The following CDH13 variants were observed in gnomAD, a reference collection of about 807,000 sequenced individuals.
The protein encoded by CDH13 is cadherin-13.
Under a neutral mutation model 63.8 loss-of-function variants are expected in CDH13, and 24 were observed. The ratio of observed to expected loss-of-function variants is 0.38; its 90% CI spans 0.27 to 0.53. The LOEUF (loss-of-function observed/expected upper bound fraction) is 0.53, where lower values mean the gene tolerates loss of function less well. Ranked by LOEUF, CDH13 falls within the 20% of genes least tolerant of loss-of-function variation. CDH13 has a pLI of 0.85. For synonymous variants in CDH13, 503 were observed against 355.3 expected, an observed-to-expected ratio of 1.42 and a Z score of -4.67; for missense variants, 1,049 against 903.1, an observed-to-expected ratio of 1.16 and a Z score of -2.07.
chr16:83,554,694 C>G (rs2075569536), intron 7 of CDH13, among the ~76,000 whole-genome samples: 1 of 152,082 alleles, frequency 6.6e-6, no homozygotes, highest in Non-Finnish European at 1.5e-5. Context: ...CACGCACACA[C>G]ACAAATACTT....
intron 3 of CDH13, among the ~76,000 whole-genome samples, chr16:83,077,809 C>A (rs994862789): frequency 1.1e-4 from 16 of 152,236 alleles, no homozygotes; most frequent in African/African-American, 3.9e-4. Flanking sequence ...ATTGGTCGAT[C>A]CTCTTCCGGA....
At chr16:83,675,140 C>T (rs1914847820) in intron 9 of CDH13, among the ~76,000 whole-genome samples, 1 of 152,124 alleles carries the variant, frequency 6.6e-6, no homozygotes, top group South Asian at 2.1e-4. Context: ...TTCCTCCTGT[C>T]CCTGACACAG....
intron 7 of CDH13, among the ~76,000 whole-genome samples, chr16:83,532,891 G>C (rs911766629): frequency 6.6e-6 from 1 of 152,210 alleles, no homozygotes; most frequent in African/African-American, 2.4e-5. Context: ...CCACGGGAGA[G>C]AGCCAGCGGC....
intron 10 of CDH13, among the ~76,000 whole-genome samples, chr16:83,701,947 T>C (rs1267585841): frequency 3.9e-5 from 6 of 152,210 alleles, no homozygotes; most frequent in African/African-American, 1.4e-4. Context: ...TTGGGTAAGT[T>C]ACTTAACCTC....
At position 83,080,275 on chromosome 16, in the gene CDH13, G is replaced by C. The variant is rs75042531; in HGVS notation, c.367-45110G>C. 8.8e-3 allele frequency among the ~76,000 whole-genome samples: 1,347 copies of C among 152,246 alleles called. 25 individuals carry two copies. The highest frequency in any genetic ancestry group is 0.029 in the African/African-American group (1,211 of 41,530). ...ATTGGTGATGACAGCCAGCTGTTTGGTCCCAATTCGCTGAGACTAGGAATT... is the reference window on the plus strand; with the variant it reads ...ATTGGTGATGACAGCCAGCTGTTTGCTCCCAATTCGCTGAGACTAGGAATT... On this transcript the variant is annotated intron_variant, in intron 3 of 13. Coordinates refer to ENST00000567109, the MANE Select transcript of CDH13 (RefSeq NM_001257.5).
At chr16:82,799,606 C>G (rs1346942593) in intron 1 of CDH13, among the ~76,000 whole-genome samples, 1 of 152,170 alleles carries the variant, frequency 6.6e-6, no homozygotes, top group African/African-American at 2.4e-5. Flanking sequence ...TTTATTTAGA[C>G]CCATTTATTT....
intron 1 of CDH13, among the ~76,000 whole-genome samples, chr16:82,716,554 T>A (rs1222148160): frequency 6.7e-6 from 1 of 149,910 alleles, no homozygotes. Context: ...TTATTTATCC[T>A]GGAAAAGAGA....
intron 4 of CDH13, among the ~76,000 whole-genome samples, chr16:83,214,987 A>C (rs2039453457): frequency 6.6e-6 from 1 of 150,492 alleles, no homozygotes; most frequent in Non-Finnish European, 1.5e-5. Flanking sequence ...GGCAGCAAGT[A>C]GAGGGGTCAG....
At chr16:83,025,619 G>T (rs1164443352) in intron 2 of CDH13, among the ~76,000 whole-genome samples, 1 of 152,084 alleles carries the variant, frequency 6.6e-6, no homozygotes, top group African/African-American at 2.4e-5. Flanking sequence ...ATTTTGGTGG[G>T]GACACAGCCA....
At chr16:83,529,559 G>A (rs1320953224) in intron 7 of CDH13, among the ~76,000 whole-genome samples, 3 of 152,040 alleles carry the variant, frequency 2.0e-5, no homozygotes, top group African/African-American at 7.2e-5. Context: ...ATAAAGAAAT[G>A]TGCATGCCAT....
At chr16:83,354,335 A>T (rs1366770221) in intron 6 of CDH13, among the ~76,000 whole-genome samples, 1 of 152,210 alleles carries the variant, frequency 6.6e-6, no homozygotes, top group African/African-American at 2.4e-5. Flanking sequence ...ATTTCGGGGA[A>T]ACCCTTATTT....
intron 6 of CDH13, among the ~76,000 whole-genome samples, chr16:83,456,069 C>T (rs531007714): frequency 2.0e-5 from 3 of 152,354 alleles, no homozygotes; most frequent in South Asian, 2.1e-4. Flanking sequence ...GTTCCAATAT[C>T]CAGCCCTGGC....
Position 83,748,145 on chromosome 16 carries a change from A to G in CDH13, c.1576A>G (p.Ile526Val). The G allele has an allele frequency of 6.2e-7, 1 of 1,613,924 alleles. No homozygotes were observed. The highest frequency in any genetic ancestry group is 1.1e-5 in the South Asian group (1 of 91,076). Reference sequence around the variant, plus strand: ...CAAGGACCCAGCAGGTTGGCTGAATATTAACCCCATCAATGGGACTGTTGA... The same window carrying G: ...CAAGGACCCAGCAGGTTGGCTGAATGTTAACCCCATCAATGGGACTGTTGA... ...VYKDPAGWLN[I>V]NPINGTVDTT... Residue 526 changes from isoleucine (I) to valine (V), a missense_variant, in exon 11 of 14, where the codon ATT (isoleucine) becomes GTT (valine). Ile to Val is a conservative substitution (Grantham distance 29). Transcript: ENST00000567109.
intron 1 of CDH13, among the ~76,000 whole-genome samples, chr16:82,726,471 A>G (rs1183536948): frequency 6.6e-6 from 1 of 152,256 alleles, no homozygotes; most frequent in African/African-American, 2.4e-5. Context: ...TTTACAAGAT[A>G]AAAACCATTC....
chr16:82,976,426 G>T (rs980970981), intron 2 of CDH13, among the ~76,000 whole-genome samples: 1 of 152,182 alleles, frequency 6.6e-6, no homozygotes, highest in Non-Finnish European at 1.5e-5. Context: ...CTGTGCTGGA[G>T]CTCCAGGCGC....
chr16:83,728,449 G>T (rs193146116), intron 10 of CDH13, among the ~76,000 whole-genome samples: 6 of 152,182 alleles, frequency 3.9e-5, no homozygotes, highest in African/African-American at 1.4e-4. Context: ...GCCAATATGT[G>T]CAATGCAATT....
chr16:82,993,049 T>C (rs1193585259), intron 2 of CDH13, among the ~76,000 whole-genome samples: 1 of 152,172 alleles, frequency 6.6e-6, no homozygotes, highest in East Asian at 1.9e-4. Flanking sequence ...ATTTTGTTTG[T>C]TTGTTTCCTC....
At chr16:82,788,192 C>G (rs1051885958) in intron 1 of CDH13, among the ~76,000 whole-genome samples, 1 of 152,114 alleles carries the variant, frequency 6.6e-6, no homozygotes, top group East Asian at 1.9e-4. Context: ...AGGAAAAAAA[C>G]AAAGTGAGGA....
At chr16:82,849,500 C>A (rs1400712811) in intron 1 of CDH13, among the ~76,000 whole-genome samples, 1 of 151,732 alleles carries the variant, frequency 6.6e-6, no homozygotes, top group Admixed American at 6.6e-5. Flanking sequence ...GACTCCGTCT[C>A]AAAAAAATAA....
Sources: allele counts gnomAD v4.1 joint callset (sites outside exome capture counted in the v4.1 genomes callset), GRCh38; gene constraint gnomAD v4.1.1; transcripts MANE v1.5; gene names NCBI Gene and HGNC (gene_info 2026-07-23, HGNC 2026-07-21).